Variants in AGAP1 observed in about 807,000 individuals in gnomAD.
The protein encoded by AGAP1 is ArfGAP with GTPase domain, ankyrin repeat and PH domain 1.
Under a neutral mutation model 105.3 loss-of-function variants are expected in AGAP1, and 29 were observed. The ratio of observed to expected loss-of-function variants is 0.28; its 90% CI spans 0.21 to 0.38. The LOEUF (loss-of-function observed/expected upper bound fraction) is 0.38. Among genes scored for constraint, AGAP1 ranks in the 10% least tolerant of loss-of-function variants. The pLI, the probability that AGAP1 is intolerant of heterozygous loss-of-function variation, is 1.00. For missense variants in AGAP1, 998 were observed against 1,165.1 expected (o/e 0.86, Z 2.09); for synonymous variants, 509 against 485.9 (o/e 1.05, Z -0.63).
rs376857250 is a variant in AGAP1 at position 235,741,005 on chromosome 2, A to C, written c.353A>C (p.Tyr118Ser). 8 of 1,614,092 alleles carry C rather than the reference A, an allele frequency of 5.0e-6. No individual in the cohort carries two copies. The highest frequency in any genetic ancestry group is 6.8e-6 in the Non-Finnish European group (8 of 1,180,030). The change falls in exon 4 of 18, where the codon TAT becomes TCT. Residue 118 changes from tyrosine (Y) to serine (S), a missense_variant. Tyr to Ser is a moderately radical substitution (Grantham distance 144). Transcript: ENST00000304032. The surrounding 1 kb of genome is among the most constrained non-coding windows in gnomAD (Gnocchi z 4.9). ...GAGATTGTCGTTGATGGACAGAGCTATCTGCTGCTGATCAGAGATGAAGGG... is the reference window on the plus strand; with the variant it reads ...GAGATTGTCGTTGATGGACAGAGCTCTCTGCTGCTGATCAGAGATGAAGGG... Reference protein sequence around the residue: ...KKEIVVDGQSYLLLIRDEGGP... With the variant: ...KKEIVVDGQSSLLLIRDEGGP...
At chr2:236,052,771 T>TC (rs2057941060) in intron 16 of AGAP1, among the ~76,000 whole-genome samples, 1 of 152,102 alleles carries the variant, frequency 6.6e-6, no homozygotes, top group Non-Finnish European at 1.5e-5. Flanking sequence ...ATGCCCTTTG[T>TC]CCCCCTCTGT....
At position 236,083,909 on chromosome 2, in the gene AGAP1, A is replaced by G. The variant is rs2058854090; in HGVS notation, c.2114+34628A>G. 6.6e-6 allele frequency among the ~76,000 whole-genome samples: 1 copy of G among 152,160 alleles called. No homozygotes were observed. Among genetic ancestry groups the G allele is most frequent in the Non-Finnish European group, 1.5e-5 (1 of 68,012 alleles). ...TGTATGCACACACACGTGCACACAT[A>G]CACACACAGGCACACATATGCACAC... On this transcript the variant is annotated intron_variant, in intron 16 of 17. Coordinates refer to ENST00000304032, the MANE Select transcript of AGAP1 (RefSeq NM_001037131.3). This position sits in a 1 kb window ranked among gnomAD's most constrained non-coding sequence, Gnocchi z 5.3.
Position 235,642,654 on chromosome 2 carries a change from C to T in AGAP1, c.164-66525C>T, listed in dbSNP as rs964534669. Among the ~76,000 whole-genome samples, 1 of 152,224 alleles carries T rather than the reference C, an allele frequency of 6.6e-6. No homozygotes were observed. The highest frequency in any genetic ancestry group is 2.4e-5 in the African/African-American group (1 of 41,446). On this transcript the variant is annotated intron_variant, in intron 1 of 17. Transcript: ENST00000304032. This position sits in a 1 kb window ranked among gnomAD's most constrained non-coding sequence, Gnocchi z 4.1. ...TCTCCACACCAGCTTGGGGATGAAT[C>T]AGCGGGTGCTCTGACCACTACTTTC...
At chr2:236,032,490 GAGAA>G (rs1416722371) in intron 13 of AGAP1, among the ~76,000 whole-genome samples, 2 of 152,182 alleles carry the variant, frequency 1.3e-5, no homozygotes, top group Non-Finnish European at 2.9e-5. Context: ...GGGGGTCAGT[GAGAA>G]AGAAGACTAA....
rs1292216951 is a variant in AGAP1 at position 236,128,836 on chromosome 2, C to T, written c.*4714C>T. The T allele has an allele frequency of 6.6e-6, 1 of 152,222 alleles. No individual in the cohort carries two copies. The highest frequency in any genetic ancestry group is 2.4e-5 in the African/African-American group (1 of 41,470). The allele number at this position is 152,222 out of a possible 1,614,324, so 9.4% of individuals were successfully genotyped here. On this transcript the variant is annotated 3_prime_UTR_variant, in exon 18 of 18. Transcript: ENST00000304032. This position sits in a 1 kb window ranked among gnomAD's most constrained non-coding sequence, Gnocchi z 5.9. Reference sequence around the variant, plus strand: ...GCAAACCCCAAACCTCCCGGCACGGCATGTGCTCTGCTTCCGTCCCTCACC... The same window carrying T: ...GCAAACCCCAAACCTCCCGGCACGGTATGTGCTCTGCTTCCGTCCCTCACC...
chr2:235,889,546 CTTTT>C lies in AGAP1; in HGVS notation c.1155+6110_1155+6113del, dbSNP rs5839611. Among the ~76,000 whole-genome samples, 8 of 140,970 alleles carry C rather than the reference CTTTT, an allele frequency of 5.7e-5. No individual in the cohort carries two copies. The highest frequency in any genetic ancestry group is 1.6e-4 in the African/African-American group (6 of 38,034). The allele number at this position is 140,970 out of a possible 152,430, so 92.5% of individuals were successfully genotyped here. A position where few individuals can be genotyped will look rare whatever the true frequency, so the allele number is the denominator to read the frequency against. The stretch of plus-strand genomic sequence containing the variant: ...CGTCATCCCCCAAAAGTGTCTTTGC[CTTTT>C]TTTTTTTTTTTTAGCCCTGAGCCCC... On this transcript the variant is annotated intron_variant, in intron 10 of 17. Transcript: ENST00000304032. The surrounding 1 kb of genome is among the most constrained non-coding windows in gnomAD (Gnocchi z 4.6).
chr2:235,706,467 A>G (rs1277612135), intron 1 of AGAP1, among the ~76,000 whole-genome samples: 5 of 151,802 alleles, frequency 3.3e-5, no homozygotes, highest in African/African-American at 1.2e-4. Flanking sequence ...TGACCTCGTG[A>G]TCCGCCCGCC....
rs576898750 is a variant in AGAP1, at chr2:236,070,011, G to A, written c.2114+20730G>A. ...ACCCAGTGTGACAGTGGTGGCTGAC[G>A]CCACCCAAGGGCACACTGGTCCACT... On this transcript the variant is annotated intron_variant, in intron 16 of 17. Coordinates refer to ENST00000304032, the MANE Select transcript of AGAP1 (RefSeq NM_001037131.3). 3.9e-5 allele frequency among the ~76,000 whole-genome samples: 6 copies of A among 152,380 alleles called. No individual in the cohort carries two copies. In the East Asian group the frequency reaches 5.8e-4, roughly 15 times the overall value.
Position 235,807,318 on chromosome 2 carries a change from T to A in AGAP1, c.1037T>A (p.Ile346Asn). 1 of 1,596,672 alleles carries A rather than the reference T, an allele frequency of 6.3e-7. No individual in the cohort carries two copies. Among genetic ancestry groups the A allele is most frequent in the Non-Finnish European group, 8.5e-7 (1 of 1,175,348 alleles). Residue 346 changes from isoleucine (I) to asparagine (N), a missense_variant, in exon 9 of 18, where the codon ATC becomes AAC. Physicochemically the swap from Ile to Asn is moderately radical, Grantham distance 149. Transcript: ENST00000304032. ...RADSIGSGRAIPIKQGMLLKR... is the reference protein window; with the variant it reads ...RADSIGSGRANPIKQGMLLKR... ...GACAGCATTGGGAGCGGCCGAGCCA[T>A]CCCAATTAAACAGGTGAGCAGCCTC...
intron 5 of AGAP1, among the ~76,000 whole-genome samples, chr2:235,746,412 A>T (rs868198043): frequency 2.4e-3 from 60 of 25,228 alleles, no homozygotes; most frequent in Non-Finnish European, 3.5e-3. Flanking sequence ...TTTTTTTTTT[A>T]AAGCGTACGT....
chr2:235,590,461 T>C (rs1945287732), intron 1 of AGAP1, among the ~76,000 whole-genome samples: 1 of 152,062 alleles, frequency 6.6e-6, no homozygotes, highest in Non-Finnish European at 1.5e-5. Flanking sequence ...TTGAAGCTGT[T>C]GATCAACAGG....
Position 235,960,236 on chromosome 2 carries a change from A to G in AGAP1, c.1484-8226A>G, listed in dbSNP as rs942860424. 6.6e-6 allele frequency among the ~76,000 whole-genome samples: 1 copy of G among 152,162 alleles called. No homozygotes were observed. The highest frequency in any genetic ancestry group is 2.4e-5 in the African/African-American group (1 of 41,452). ...TGCACACGTCAGTTACTCGAGTCAT[A>G]GCCTCCTGAGGACGACTGCAAGGAG... On this transcript the variant is annotated intron_variant, in intron 12 of 17. Coordinates refer to ENST00000304032, the MANE Select transcript of AGAP1 (RefSeq NM_001037131.3). The surrounding 1 kb of genome is among the most constrained non-coding windows in gnomAD (Gnocchi z 4.9).
At chr2:235,746,998 G>A (rs534463668) in intron 5 of AGAP1, among the ~76,000 whole-genome samples, 1 of 152,302 alleles carries the variant, frequency 6.6e-6, no homozygotes, top group Non-Finnish European at 1.5e-5. Flanking sequence ...CTGGCTGGGT[G>A]ACCTTGACAC....
chr2:235,766,262 C>T (rs1954943477), intron 6 of AGAP1, among the ~76,000 whole-genome samples: 1 of 152,174 alleles, frequency 6.6e-6, no homozygotes, highest in African/African-American at 2.4e-5. Flanking sequence ...ATTCACAGAG[C>T]GTTTTCTGCA....
intron 13 of AGAP1, among the ~76,000 whole-genome samples, chr2:235,999,288 AGGTGGTGGTGGTGATGGTGAT>A (rs764312461): frequency 9.1e-6 from 1 of 110,182 alleles, no homozygotes; most frequent in South Asian, 4.1e-4. Context: ...CGATGCTGAG[AGGTGGTGGTGGTGATGGTGAT>A]GGTGGTGGTG....
intron 16 of AGAP1, among the ~76,000 whole-genome samples, chr2:236,079,796 C>G (rs1227327563): frequency 6.6e-6 from 1 of 152,038 alleles, no homozygotes; most frequent in Non-Finnish European, 1.5e-5. Context: ...AAGAGGACCC[C>G]CCAATATGCT....
chr2:235,731,010 G>C (rs1951918632), intron 3 of AGAP1, among the ~76,000 whole-genome samples: 1 of 152,046 alleles, frequency 6.6e-6, no homozygotes, highest in Non-Finnish European at 1.5e-5. Context: ...TCTTACATGA[G>C]TCAGTTTCCT....
At position 236,083,556 on chromosome 2, in the gene AGAP1, G is replaced by T. The variant is rs187519882; in HGVS notation, c.2114+34275G>T. 5.3e-5 allele frequency among the ~76,000 whole-genome samples: 8 copies of T among 152,234 alleles called. No individual in the cohort carries two copies. On this transcript the variant is annotated intron_variant, in intron 16 of 17. Coordinates refer to ENST00000304032, the MANE Select transcript of AGAP1 (RefSeq NM_001037131.3). This position sits in a 1 kb window ranked among gnomAD's most constrained non-coding sequence, Gnocchi z 5.3. ...ACTAAGACATTGTCACTGGAATTCC[G>T]TATAAATGTGTGCATGCTCACACCC...
rs991364594 is a variant in AGAP1, at chr2:236,123,787, A to G, written c.2371-132A>G. ...GCCACCAGCACTGGATGGTCCTGGC[A>G]CCCCAGCCAGTTGTGTAGCTGGCCC... On this transcript the variant is annotated intron_variant, in intron 17 of 17. Transcript: ENST00000304032. This position sits in a 1 kb window ranked among gnomAD's most constrained non-coding sequence, Gnocchi z 4.6. 3 of 1,132,256 alleles carry G rather than the reference A, an allele frequency of 2.6e-6. No homozygotes were observed. The highest frequency in any genetic ancestry group is 3.8e-6 in the Non-Finnish European group (3 of 785,386). The allele number at this position is 1,132,256 out of a possible 1,614,324, so 70.1% of individuals were successfully genotyped here.
Sources: gnomAD v4.1 joint callset for allele counts (sites outside exome capture counted in the v4.1 genomes callset) on GRCh38, gnomAD v4.1.1 for gene constraint, Gnocchi (gnomAD v3.1) non-coding constraint, MANE v1.5 for transcripts, NCBI Gene and HGNC (gene_info 2026-07-23, HGNC 2026-07-21) for gene names.